The following ATR variants were observed in gnomAD, a reference collection of about 807,000 sequenced individuals.
ATR encodes the protein serine/threonine-protein kinase ATR.
ATR carries 142 observed loss-of-function variants against 305.3 expected under a neutral mutation model. The ratio of observed to expected loss-of-function variants is 0.47; its 90% CI spans 0.41 to 0.53. ATR has a LOEUF of 0.53. Ranked by LOEUF, ATR falls within the 20% of genes least tolerant of loss-of-function variation. The probability of loss-of-function intolerance (pLI) is 0.00; values close to 1 mark genes in which losing one functional copy is unlikely to be tolerated. For synonymous variants in ATR, 1,050 were observed against 1,068.1 expected, an observed-to-expected ratio of 0.98 and a Z score of 0.33; for missense variants, 2,135 against 3,133.1, an observed-to-expected ratio of 0.68 and a Z score of 7.60.
chr3:142,500,597 C>T (rs1288434729), intron 30 of ATR, among the ~76,000 whole-genome samples: 1 of 152,082 alleles, frequency 6.6e-6, no homozygotes, highest in African/African-American at 2.4e-5. Flanking sequence ...TCAATATCCT[C>T]AAAAGTTTTC....
At chr3:142,511,745 AAGAG>A (rs2032579426) in intron 27 of ATR, among the ~76,000 whole-genome samples, 1 of 152,204 alleles carries the variant, frequency 6.6e-6, no homozygotes, top group African/African-American at 2.4e-5. Context: ...TGAGAGTAAG[AAGAG>A]AGAAAGGTCT....
At position 142,449,468 on chromosome 3, in the gene ATR, T is replaced by C; in HGVS notation, c.7896A>G (p.Leu2632=). The change falls in exon 47 of 47, where the codon TTA becomes TTG. Residue 2632 remains leucine (L), a synonymous_variant. Transcript: ENST00000350721. ...TCCAACCAAGATACATCTGGCATAG[T>C]AAGTTTTCATCAGTAGCTTCCTGTA... The part of the protein sequence containing the change: ...YLIQEATDEN[L]LCQMYLGWTP... 6.2e-7 allele frequency: 1 copy of C among 1,612,810 alleles called. No individual in the cohort carries two copies. The highest frequency in any genetic ancestry group is 8.5e-7 in the Non-Finnish European group (1 of 1,178,754).
chr3:142,475,559 C>T lies in ATR; in HGVS notation c.6222-5376G>A, dbSNP rs529615035. On this transcript the variant is annotated intron_variant, in intron 36 of 46. Transcript: ENST00000350721. ...TGTGAATAGTGCCGCAATAAACATA[C>T]ATGTGCATGTGTCTTTATAGCAGCA... 5.3e-4 allele frequency among the ~76,000 whole-genome samples: 80 copies of T among 152,298 alleles called. 1 individual carries two copies. The South Asian group carries it at 0.01, about 19-fold the overall frequency.
At chr3:142,486,053 ACT>A in intron 35 of ATR, among the ~76,000 whole-genome samples, 1 of 151,144 alleles carries the variant, frequency 6.6e-6, no homozygotes, top group South Asian at 2.1e-4. Context: ...CTTTCTGGCC[ACT>A]CTCACTTAGT....
rs112832712 is a variant in ATR at position 142,451,119 on chromosome 3, G to A, written c.7762-1517C>T. On this transcript the variant is annotated intron_variant, in intron 46 of 46. Coordinates refer to ENST00000350721, the MANE Select transcript of ATR (RefSeq NM_001184.4). ...ATTGTGAAACAGCCCCTGCTGCTCA[G>A]GTGTAATTCCCTCCTAGAGGAGAAT... The A allele has an allele frequency of 7.6e-5, 96 of 1,261,164 alleles. 1 individual carries two copies. In the African/African-American group the frequency reaches 1.2e-3, roughly 16 times the overall value. The allele number at this position is 1,261,164 out of a possible 1,614,324, so 78.1% of individuals were successfully genotyped here. A position where few individuals can be genotyped will look rare whatever the true frequency, so the allele number is the denominator to read the frequency against.
intron 30 of ATR, 83 bp from the exon 31 acceptor site, chr3:142,499,801 T>C: frequency 2.9e-6 from 3 of 1,037,054 alleles, no homozygotes; most frequent in East Asian, 2.6e-5. Context: ...ACATACTCTA[T>C]TTATTATATT....
At position 142,449,274 on chromosome 3, in the gene ATR, A is replaced by G. The variant is rs2070717872; in HGVS notation, c.*155T>C. ...AGTTTATTTCTTAATAACTGAATGT[A>G]TATTATTTTACATATAATTAATGAT... On this transcript the variant is annotated 3_prime_UTR_variant, in exon 47 of 47. Transcript: ENST00000350721. 1 of 669,108 alleles carries G rather than the reference A, an allele frequency of 1.5e-6. No homozygotes were observed. The highest frequency in any genetic ancestry group is 2.5e-6 in the Non-Finnish European group (1 of 397,784). 41.4% of individuals were successfully genotyped at this position (669,108 alleles called of 1,614,324 possible).
At position 142,522,635 on chromosome 3, in the gene ATR, TAAAAC is replaced by T. The variant is rs2033195955; in HGVS notation, c.4266+88_4266+92del. ...GTATAACTTTGATAAAAGTGAGAAT[TAAAAC>T]AAAAAGGAGTTTCACAAGTATAGAA... On this transcript the variant is annotated intron_variant, in intron 23 of 46. Transcript: ENST00000350721. The T allele has an allele frequency of 3.6e-6, 4 of 1,103,562 alleles. No homozygotes were observed. In the Admixed American group the frequency reaches 5.4e-5, roughly 15 times the overall value. 68.4% of individuals were successfully genotyped at this position (1,103,562 alleles called of 1,614,324 possible). A position where few individuals can be genotyped will look rare whatever the true frequency, so the allele number is the denominator to read the frequency against.
chr3:142,512,380 T>A lies in ATR; in HGVS notation c.4732A>T (p.Thr1578Ser), dbSNP rs919679259. ...TCAAGCATGGAGAACACAGTCTGTG[T>A]ACTGAGTTGACACAGATCAGATGCA... is the stretch of plus-strand genomic sequence containing the variant. ...DIASDLCQLSTQTVFSMLDHL... is the reference protein window; with the variant it reads ...DIASDLCQLSSQTVFSMLDHL... Residue 1578 changes from threonine to serine, a missense_variant, in exon 27 of 47, where the codon ACA (threonine) becomes TCA (serine). Physicochemically the swap from Thr to Ser is moderately conservative, Grantham distance 58 (BLOSUM62 1). Around this residue, in one of 9 missense-constraint regions of ATR, gnomAD observed 202 missense variants for 252.9 expected, o/e 0.80. Coordinates refer to ENST00000350721, the MANE Select transcript of ATR (RefSeq NM_001184.4). The A allele has an allele frequency of 1.2e-6, 2 of 1,613,732 alleles. No homozygotes were observed. The highest frequency in any genetic ancestry group is 1.7e-6 in the Non-Finnish European group (2 of 1,179,796).
chr3:142,495,691 C>T (rs571908188), intron 34 of ATR, among the ~76,000 whole-genome samples: 3 of 152,106 alleles, frequency 2.0e-5, no homozygotes, highest in Non-Finnish European at 2.9e-5. Context: ...TTGTAGTGAG[C>T]GGAGATCGTG....
At chr3:142,473,549 T>TC (rs1196237940) in intron 36 of ATR, among the ~76,000 whole-genome samples, 2 of 145,402 alleles carry the variant, frequency 1.4e-5, no homozygotes, top group African/African-American at 5.0e-5. Flanking sequence ...GCTTTATTCT[T>TC]TTTTTTTTTT....
At chr3:142,571,350 C>T (rs958974988) in intron 1 of ATR, among the ~76,000 whole-genome samples, 4 of 152,066 alleles carry the variant, frequency 2.6e-5, no homozygotes, top group African/African-American at 9.7e-5. Context: ...CCTGTAGTCC[C>T]AGCTGCTCAG....
At chr3:142,452,515 AAT>A (rs1469689290) in intron 46 of ATR, 1 of 636,844 alleles carries the variant, frequency 1.6e-6, no homozygotes, top group Non-Finnish European at 2.0e-6. Context: ...CTCTACTAAA[AAT>A]ATAATAATTA....
At chr3:142,449,682 TA>T (rs1285058765) in intron 46 of ATR, 80 bp from the exon 47 acceptor site, 1 of 1,421,420 alleles carries the variant, frequency 7.0e-7, no homozygotes, top group African/African-American at 1.4e-5. Context: ...TGACATTTAA[TA>T]AATGTTAATA....
intron 30 of ATR, among the ~76,000 whole-genome samples, 167 bp downstream of exon 30, chr3:142,503,195 T>C (rs1185672408): frequency 6.6e-6 from 1 of 152,128 alleles, no homozygotes; most frequent in Admixed American, 6.5e-5. Context: ...AGTGGTAGAC[T>C]GACTATGAAA....
At chr3:142,490,070 C>A (rs2031187459) in intron 35 of ATR, among the ~76,000 whole-genome samples, 1 of 151,636 alleles carries the variant, frequency 6.6e-6, no homozygotes, top group African/African-American at 2.4e-5. Flanking sequence ...TATTTTTTTT[C>A]TTTTAATAGA....
rs952614947 is a variant in ATR at position 142,466,537 on chromosome 3, A to C, written c.6688-4T>G. On this transcript the variant is annotated splice_polypyrimidine_tract_variant and splice_region_variant and intron_variant, in intron 39 of 46. Transcript: ENST00000350721. ...ATGTGGAACTACTTCCATCAACCTGAAAAAATAAATAGTGCATTTTAATTT... is the reference window on the plus strand; with the variant it reads ...ATGTGGAACTACTTCCATCAACCTGCAAAAATAAATAGTGCATTTTAATTT... 6.2e-7 allele frequency: 1 copy of C among 1,610,548 alleles called. No individual in the cohort carries two copies. Among genetic ancestry groups the C allele is most frequent in the African/African-American group, 1.3e-5 (1 of 74,822 alleles).
chr3:142,577,504 G>A (rs1490566125), intron 1 of ATR, among the ~76,000 whole-genome samples: 1 of 152,148 alleles, frequency 6.6e-6, no homozygotes, highest in East Asian at 1.9e-4. Flanking sequence ...CAGATAAGTG[G>A]AAAAAATTCA....
chr3:142,515,279 C>A, intron 25 of ATR, 116 bp downstream of exon 25: 1 of 1,397,918 alleles, frequency 7.2e-7, no homozygotes, highest in East Asian at 2.3e-5. Context: ...TCAAAAATTT[C>A]TATGATTATC....
Sources: allele counts gnomAD v4.1 joint callset (sites outside exome capture counted in the v4.1 genomes callset), GRCh38; gene constraint gnomAD v4.1.1; regional missense constraint gnomAD v4.1.1; transcripts MANE v1.5; gene names NCBI Gene and HGNC (gene_info 2026-07-23, HGNC 2026-07-21).